NEDD4L: variants seen among roughly 807,000 people sequenced by gnomAD.
NEDD4L encodes the protein NEDD4 like E3 ubiquitin protein ligase.
NEDD4L carries 54 observed loss-of-function variants against 148.9 expected under a neutral mutation model. That is an observed-to-expected ratio of 0.36 (90% CI 0.29 to 0.45). NEDD4L has a LOEUF of 0.45. Among genes scored for constraint, NEDD4L ranks in the 20% least tolerant of loss-of-function variants. The pLI is 1.00. For synonymous variants in NEDD4L, 433 were observed against 440.7 expected (o/e 0.98, Z 0.22); for missense variants, 856 against 1,233.8 (o/e 0.69, Z 4.59).
At chr18:58,112,919 G>GCTC (rs1193611640) in intron 1 of NEDD4L, among the ~76,000 whole-genome samples, 5 of 152,218 alleles carry the variant, frequency 3.3e-5, no homozygotes, top group African/African-American at 9.6e-5. Flanking sequence ...GGTCCTGAGG[G>GCTC]TAGAGCCCTC....
intron 6 of NEDD4L, among the ~76,000 whole-genome samples, chr18:58,320,125 C>G (rs591608): frequency 6.6e-6 from 1 of 152,174 alleles, no homozygotes; most frequent in Non-Finnish European, 1.5e-5. Flanking sequence ...CAGAGTCCCT[C>G]TAAGCTCCGT....
chr18:58,304,736 A>G (rs2056880611), intron 5 of NEDD4L, among the ~76,000 whole-genome samples: 1 of 152,356 alleles, frequency 6.6e-6, no homozygotes, highest in East Asian at 1.9e-4. Context: ...CCCATTATGT[A>G]GTTAGCTCCC....
intron 1 of NEDD4L, among the ~76,000 whole-genome samples, chr18:58,085,064 C>T (rs9319925): frequency 0.89 from 135,448 of 152,062 alleles, 60,602 homozygotes; most frequent in East Asian, 1. Context: ...ATCAGCTCTA[C>T]TGGATTAGAG....
intron 2 of NEDD4L, among the ~76,000 whole-genome samples, chr18:58,212,407 A>C (rs1436156557): frequency 2.6e-5 from 4 of 152,216 alleles, no homozygotes; most frequent in Non-Finnish European, 4.4e-5. Flanking sequence ...ATGAGGAGCA[A>C]AGTCCCATCT....
At chr18:58,357,728 T>C (rs2044876034) in intron 19 of NEDD4L, among the ~76,000 whole-genome samples, 1 of 152,218 alleles carries the variant, frequency 6.6e-6, no homozygotes, top group African/African-American at 2.4e-5. Flanking sequence ...AGTTTGGAAC[T>C]CTGCCGACCC....
At chr18:58,225,606 C>T (rs2044263993) in intron 2 of NEDD4L, among the ~76,000 whole-genome samples, 1 of 152,176 alleles carries the variant, frequency 6.6e-6, no homozygotes, top group Non-Finnish European at 1.5e-5. Flanking sequence ...TCTAAGTGGC[C>T]TCCCAACCTT....
chr18:58,377,584 A>G (rs1001109700), intron 24 of NEDD4L, among the ~76,000 whole-genome samples: 3 of 152,158 alleles, frequency 2.0e-5, no homozygotes, highest in East Asian at 1.9e-4. Context: ...TGTTTGAACT[A>G]TGATCCTGTG....
intron 2 of NEDD4L, among the ~76,000 whole-genome samples, chr18:58,199,919 C>G (rs1481772484): frequency 6.6e-6 from 1 of 152,082 alleles, no homozygotes; most frequent in Non-Finnish European, 1.5e-5. Context: ...TGTCCTGAAC[C>G]AATGTAGATC....
chr18:58,125,164 G>T (rs2030810926), intron 1 of NEDD4L, among the ~76,000 whole-genome samples: 1 of 152,218 alleles, frequency 6.6e-6, no homozygotes, highest in Non-Finnish European at 1.5e-5. Context: ...CTTATAGATT[G>T]TGGGGATTAG....
chr18:58,251,969 C>T (rs1006558665), intron 4 of NEDD4L, 32 bp from the exon 5 acceptor site: 6 of 1,247,924 alleles, frequency 4.8e-6, no homozygotes, highest in Admixed American at 3.4e-5. Flanking sequence ...GATTCCTGCT[C>T]GTTTAAAAAA....
Position 58,111,119 on chromosome 18 carries a change from G to A in NEDD4L, c.49-54669G>A, listed in dbSNP as rs138024893. On this transcript the variant is annotated intron_variant, in intron 1 of 30. Coordinates refer to ENST00000400345, the MANE Select transcript of NEDD4L (RefSeq NM_001144967.3). ...GAGTCTCACTGTCGCCCAGGCTGGA[G>A]TGGAGTGGCACAATCTCGGCTTACT... Among the ~76,000 whole-genome samples the A allele has an allele frequency of 6.6e-3, 1,010 of 152,322 alleles. 10 individuals are homozygous for A. Among genetic ancestry groups the A allele is most frequent in the African/African-American group, 0.023 (944 of 41,578 alleles).
intron 2 of NEDD4L, among the ~76,000 whole-genome samples, chr18:58,186,542 A>G (rs2039503765): frequency 6.6e-6 from 1 of 152,166 alleles, no homozygotes; most frequent in African/African-American, 2.4e-5. Context: ...GGCATTTTAT[A>G]CATGAGGCAG....
chr18:58,059,934 C>A (rs1279692452), intron 1 of NEDD4L, among the ~76,000 whole-genome samples: 1 of 152,126 alleles, frequency 6.6e-6, no homozygotes, highest in Non-Finnish European at 1.5e-5. Flanking sequence ...CATAAATCCT[C>A]ACAATAGCCC....
At chr18:58,205,264 G>A (rs2041865463) in intron 2 of NEDD4L, among the ~76,000 whole-genome samples, 4 of 152,204 alleles carry the variant, frequency 2.6e-5, no homozygotes, top group Admixed American at 2.6e-4. Context: ...GTTGGTAGGA[G>A]AATGAGCAGT....
intron 5 of NEDD4L, among the ~76,000 whole-genome samples, chr18:58,280,380 G>T (rs1473146389): frequency 1.3e-5 from 2 of 152,150 alleles, no homozygotes; most frequent in East Asian, 1.9e-4. Context: ...AGCACCAGGG[G>T]CTGGCCTGGT....
intron 1 of NEDD4L, among the ~76,000 whole-genome samples, chr18:58,156,064 C>A (rs2035452786): frequency 6.6e-6 from 1 of 152,200 alleles, no homozygotes; most frequent in South Asian, 2.1e-4. Context: ...TTTGGGTGCA[C>A]TTTTGTGGAG....
chr18:58,197,233 T>G (rs1438457461), intron 2 of NEDD4L, among the ~76,000 whole-genome samples: 1 of 152,104 alleles, frequency 6.6e-6, no homozygotes, highest in Non-Finnish European at 1.5e-5. Flanking sequence ...TGTTGAGAGA[T>G]GGAAAATTGG....
rs2050489715 is a variant in NEDD4L, at chr18:58,396,339, A to C, written c.*70A>C. The C allele has an allele frequency of 2.8e-6, 3 of 1,060,850 alleles. No individual in the cohort carries two copies. Among genetic ancestry groups the C allele is most frequent in the Non-Finnish European group, 4.3e-6 (3 of 698,250 alleles). The allele number at this position is 1,060,850 out of a possible 1,614,324, so 65.7% of individuals were successfully genotyped here. A position where few individuals can be genotyped will look rare whatever the true frequency, so the allele number is the denominator to read the frequency against. On this transcript the variant is annotated 3_prime_UTR_variant, in exon 31 of 31. Coordinates refer to ENST00000400345, the MANE Select transcript of NEDD4L (RefSeq NM_001144967.3). ...TTGCACTTTTGCATTTGCCTAACAG[A>C]CTTTTGCAGAGGCGATGGCAGAGAG...
At position 58,178,357 on chromosome 18, in the gene NEDD4L, A is replaced by T. The variant is rs144626056; in HGVS notation, c.122+12496A>T. 2.4e-3 allele frequency among the ~76,000 whole-genome samples: 366 copies of T among 152,316 alleles called. 1 individual carries two copies. Among genetic ancestry groups the T allele is most frequent in the African/African-American group, 8.3e-3 (346 of 41,572 alleles). ...AACATGCTTAAAATACAGCGTATGA[A>T]GCTTTTGGATATCCACTGTAAATTT... On this transcript the variant is annotated intron_variant, in intron 2 of 30. Transcript: ENST00000400345.
Sources: allele counts gnomAD v4.1 joint callset (sites outside exome capture counted in the v4.1 genomes callset), GRCh38; gene constraint gnomAD v4.1.1; transcripts MANE v1.5; gene names NCBI Gene and HGNC (gene_info 2026-07-23, HGNC 2026-07-21).